Variants in INPP5A observed in about 807,000 individuals in gnomAD.
INPP5A encodes the protein 43 kDa inositol polyphosphate 5-phophatase.
A neutral mutation model predicts 65.2 loss-of-function variants in INPP5A; 14 were observed. The ratio of observed to expected loss-of-function variants is 0.21; its 90% confidence interval spans 0.14 to 0.34. The LOEUF (loss-of-function observed/expected upper bound fraction) is 0.34. INPP5A is among the 10% of genes least tolerant of loss of function. INPP5A has a pLI of 1.00. For synonymous variants in INPP5A, 207 were observed against 208.3 expected, an observed-to-expected ratio of 0.99 and a Z score of 0.05; for missense variants, 431 against 545.6, an observed-to-expected ratio of 0.79 and a Z score of 2.09.
rs894433574 is a variant in INPP5A at position 132,704,276 on chromosome 10, C to T, written c.475-4037C>T. Among the ~76,000 whole-genome samples, 6 of 152,206 alleles carry T rather than the reference C, an allele frequency of 3.9e-5. No individual in the cohort carries two copies. The South Asian group carries it at 6.2e-4, about 16-fold the overall frequency. On this transcript the variant is annotated intron_variant, in intron 6 of 15. Transcript: ENST00000368594. The surrounding 1 kb of genome is among the most constrained non-coding windows in gnomAD (Gnocchi z 4.5). ...CCCACTGTCACTAGTAGAGGGGCCT[C>T]ACCCAGTTACTGTAGATTTGTCACC...
rs907296102 is a variant in INPP5A at position 132,627,757 on chromosome 10, C to T, written c.118-18111C>T. On this transcript the variant is annotated intron_variant, in intron 2 of 15. Transcript: ENST00000368594. This position sits in a 1 kb window ranked among gnomAD's most constrained non-coding sequence, Gnocchi z 6.6. Reference sequence around the variant, plus strand: ...TAGATGCCACAGGGCCTCCTCTTCCCCGTGAAAAGCTTCAGACTTTCTTCA... The same window carrying T: ...TAGATGCCACAGGGCCTCCTCTTCCTCGTGAAAAGCTTCAGACTTTCTTCA... Among the ~76,000 whole-genome samples, 1 of 152,100 alleles carries T rather than the reference C, an allele frequency of 6.6e-6. No individual in the cohort carries two copies. The highest frequency in any genetic ancestry group is 2.4e-5 in the African/African-American group (1 of 41,404).
chr10:132,714,626 T>G (rs754152004), intron 8 of INPP5A, among the ~76,000 whole-genome samples: 4 of 152,188 alleles, frequency 2.6e-5, no homozygotes, highest in Admixed American at 2.0e-4. Flanking sequence ...GTCCCAGCCC[T>G]GGAGGAGGAT....
chr10:132,712,456 C>G (rs533242388), intron 8 of INPP5A, among the ~76,000 whole-genome samples: 1 of 147,132 alleles, frequency 6.8e-6, no homozygotes, highest in Non-Finnish European at 1.5e-5. Context: ...TGTGTGGGTG[C>G]ATGTGTGGTG....
chr10:132,756,939 A>T (rs1288174547), intron 11 of INPP5A, among the ~76,000 whole-genome samples: 1 of 152,248 alleles, frequency 6.6e-6, no homozygotes, highest in Non-Finnish European at 1.5e-5. Context: ...CATTGTTATC[A>T]AAAAATGTTT....
chr10:132,559,435 G>A (rs1189702344), intron 1 of INPP5A, among the ~76,000 whole-genome samples: 1 of 152,126 alleles, frequency 6.6e-6, no homozygotes, highest in African/African-American at 2.4e-5. Flanking sequence ...TGTGACCTTC[G>A]CCCCTGATTT....
intron 4 of INPP5A, among the ~76,000 whole-genome samples, chr10:132,660,730 G>C (rs573391915): frequency 7.9e-5 from 12 of 152,358 alleles, no homozygotes; most frequent in African/African-American, 2.9e-4. Flanking sequence ...TAGGTAGTCA[G>C]TGGGGACCAT....
intron 12 of INPP5A, among the ~76,000 whole-genome samples, chr10:132,772,559 C>G (rs1411556638): frequency 9.1e-6 from 1 of 110,410 alleles, no homozygotes; most frequent in Non-Finnish European, 2.0e-5. Context: ...ACAGAGGCCA[C>G]GGCAGCCACC....
intron 1 of INPP5A, among the ~76,000 whole-genome samples, chr10:132,593,304 C>T (rs901248927): frequency 2.6e-5 from 4 of 152,020 alleles, no homozygotes; most frequent in Middle Eastern, 3.4e-3. Flanking sequence ...ATGTGAATGC[C>T]GGGGCGTGGG....
rs538131778 is a variant in INPP5A, at chr10:132,749,856, G to T, written c.903+11G>T. On this transcript the variant is annotated intron_variant, in intron 11 of 15. Coordinates refer to ENST00000368594, the MANE Select transcript of INPP5A (RefSeq NM_005539.5). ...AACAACGGCACCGCGGTGAGTTTGT[G>T]GTCCAATGTGGCAGCTCCCCCGTCC... The T allele has an allele frequency of 6.2e-7, 1 of 1,611,698 alleles. No individual in the cohort carries two copies. The highest frequency in any genetic ancestry group is 1.3e-5 in the African/African-American group (1 of 75,028).
At chr10:132,680,893 G>C (rs920821447) in intron 4 of INPP5A, among the ~76,000 whole-genome samples, 3 of 152,242 alleles carry the variant, frequency 2.0e-5, no homozygotes, top group Admixed American at 1.3e-4. Context: ...TTCCCGAGGG[G>C]CAGGGCTCGG....
chr10:132,729,923 C>T (rs1007825280), intron 9 of INPP5A, among the ~76,000 whole-genome samples: 5 of 152,236 alleles, frequency 3.3e-5, no homozygotes, highest in Non-Finnish European at 5.9e-5. Context: ...CTTCAGCAAC[C>T]TCCAGGCAGC....
At chr10:132,626,104 G>T (rs528982011) in intron 2 of INPP5A, among the ~76,000 whole-genome samples, 1 of 152,184 alleles carries the variant, frequency 6.6e-6, no homozygotes, top group African/African-American at 2.4e-5. Flanking sequence ...GAGACCCAGG[G>T]AACGTGGCGG....
intron 4 of INPP5A, among the ~76,000 whole-genome samples, chr10:132,656,996 C>G (rs2072665192): frequency 6.6e-6 from 1 of 152,324 alleles, no homozygotes; most frequent in East Asian, 1.9e-4. Context: ...CTAGTTGGGT[C>G]TGGGGCAGCC....
intron 11 of INPP5A, among the ~76,000 whole-genome samples, chr10:132,764,016 C>T (rs1386857472): frequency 6.6e-6 from 1 of 152,268 alleles, no homozygotes; most frequent in Admixed American, 6.5e-5. Flanking sequence ...TGACTTGGGG[C>T]CCTTCCCAGA....
chr10:132,735,208 T>C (rs1313604736), intron 9 of INPP5A, among the ~76,000 whole-genome samples: 1 of 152,180 alleles, frequency 6.6e-6, no homozygotes, highest in Non-Finnish European at 1.5e-5. Context: ...GTACCTGCAG[T>C]CTGGCTCCTT....
At position 132,674,907 on chromosome 10, in the gene INPP5A, T is replaced by C. The variant is rs1408240362; in HGVS notation, c.307-15485T>C. 6.6e-6 allele frequency among the ~76,000 whole-genome samples: 1 copy of C among 152,190 alleles called. No individual in the cohort carries two copies. The highest frequency in any genetic ancestry group is 1.5e-5 in the Non-Finnish European group (1 of 68,036). ...AGAGGCCTCCGCTGTGATTCACCTA[T>C]GGGGACCTGCCAAAGGCTCCAAACA... is the stretch of plus-strand genomic sequence containing the variant. On this transcript the variant is annotated intron_variant, in intron 4 of 15. Coordinates refer to ENST00000368594, the MANE Select transcript of INPP5A (RefSeq NM_005539.5). This position sits in a 1 kb window ranked among gnomAD's most constrained non-coding sequence, Gnocchi z 4.4.
intron 8 of INPP5A, among the ~76,000 whole-genome samples, chr10:132,718,508 T>G (rs1845789320): frequency 6.7e-6 from 1 of 149,776 alleles, no homozygotes; most frequent in African/African-American, 2.5e-5. Flanking sequence ...TAGATGGCTG[T>G]CTTGCGGGTT....
rs1465944302 is a variant in INPP5A at position 132,650,683 on chromosome 10, G to A, written c.306+178G>A. ...TGGTCTGCTCGTGGTCTGAGCCCAT[G>A]GCTGGCCTGGCAGGGAAGGTGGCCC... On this transcript the variant is annotated intron_variant, in intron 4 of 15. Coordinates refer to ENST00000368594, the MANE Select transcript of INPP5A (RefSeq NM_005539.5). This position sits in a 1 kb window ranked among gnomAD's most constrained non-coding sequence, Gnocchi z 5.5. 6.6e-6 allele frequency among the ~76,000 whole-genome samples: 1 copy of A among 152,228 alleles called. No homozygotes were observed. Among genetic ancestry groups the A allele is most frequent in the African/African-American group, 2.4e-5 (1 of 41,462 alleles).
At chr10:132,612,935 T>C (rs2071978992) in intron 2 of INPP5A, among the ~76,000 whole-genome samples, 1 of 152,036 alleles carries the variant, frequency 6.6e-6, no homozygotes, top group African/African-American at 2.4e-5. Flanking sequence ...GCAGGGACAG[T>C]TCCCGCGCAT....
Sources: allele counts gnomAD v4.1 joint callset (sites outside exome capture counted in the v4.1 genomes callset), GRCh38; gene constraint gnomAD v4.1.1; non-coding constraint Gnocchi (gnomAD v3.1); transcripts MANE v1.5; gene names NCBI Gene and HGNC (gene_info 2026-07-23, HGNC 2026-07-21).